Variants in RIMBP2 observed in about 807,000 individuals in gnomAD.
RIMBP2 encodes the protein RIMS binding protein 2, also known as RIMS-binding protein 2.
Under a neutral mutation model 118.6 loss-of-function variants are expected in RIMBP2, and 48 were observed. That is an observed-to-expected ratio of 0.40 (90% CI 0.32 to 0.51). The LOEUF (loss-of-function observed/expected upper bound fraction) is 0.51, where lower values mean the gene tolerates loss of function less well. RIMBP2 is among the 20% of genes least tolerant of loss of function. The probability of loss-of-function intolerance (pLI) is 0.41; values close to 1 mark genes in which losing one functional copy is unlikely to be tolerated. For missense variants in RIMBP2, 1,551 were observed against 1,768.3 expected (o/e 0.88, Z 2.20); for synonymous variants, 762 against 742.9 (o/e 1.03, Z -0.42).
chr12:130,610,614 G>A (rs1051875087), intron 2 of RIMBP2, among the ~76,000 whole-genome samples: 8 of 133,558 alleles, frequency 6.0e-5, no homozygotes, highest in African/African-American at 2.3e-4. Flanking sequence ...AGGCTGGAGT[G>A]CAGTGGCGCG....
chr12:130,574,975 C>T (rs2057976658), intron 2 of RIMBP2, among the ~76,000 whole-genome samples: 1 of 131,200 alleles, frequency 7.6e-6, no homozygotes, highest in Middle Eastern at 3.8e-3. Context: ...CACCGCCACC[C>T]CCACCCCCAG....
At chr12:130,673,072 C>T (rs7955909) in intron 1 of RIMBP2, among the ~76,000 whole-genome samples, 149,245 of 152,248 alleles carry the variant, frequency 0.98, 73,210 homozygotes, top group East Asian at 1. Flanking sequence ...AAAGGAAGAA[C>T]TCCCACTCGA....
intron 4 of RIMBP2, among the ~76,000 whole-genome samples, chr12:130,500,077 T>C (rs2049593407): frequency 6.6e-6 from 1 of 152,204 alleles, no homozygotes; most frequent in Non-Finnish European, 1.5e-5. Context: ...CATTTCCCTT[T>C]AAAATCTGTA....
Position 130,525,256 on chromosome 12 carries a change from C to CGGCA in RIMBP2, c.-216-7343_-216-7340dup, listed in dbSNP as rs2052650168. On this transcript the variant is annotated intron_variant, in intron 2 of 22. Coordinates refer to ENST00000690449, the MANE Select transcript of RIMBP2 (RefSeq NM_001393629.1). The surrounding 1 kb of genome is among the most constrained non-coding windows in gnomAD (Gnocchi z 4.4). ...TGACCAGAGCCTTGAGAGTGGGGAC[C>CGGCA]GGCAGGTCAGCTACTGCCCAGAAGC... Among the ~76,000 whole-genome samples, 1 of 152,172 alleles carries CGGCA rather than the reference C, an allele frequency of 6.6e-6. No individual in the cohort carries two copies. The highest frequency in any genetic ancestry group is 2.4e-5 in the African/African-American group (1 of 41,436).
At chr12:130,556,204 C>T (rs1004079674) in intron 2 of RIMBP2, among the ~76,000 whole-genome samples, 7 of 152,154 alleles carry the variant, frequency 4.6e-5, no homozygotes, top group South Asian at 2.1e-4. Flanking sequence ...ACCCTGGCAA[C>T]GTGCACTCTG....
chr12:130,407,188 A>T (rs943786556), intron 20 of RIMBP2, among the ~76,000 whole-genome samples: 17 of 152,322 alleles, frequency 1.1e-4, no homozygotes, highest in African/African-American at 3.8e-4. Flanking sequence ...ACTGTGTAAC[A>T]TGGGTTCACA....
chr12:130,532,560 C>T (rs1489274205), intron 2 of RIMBP2, among the ~76,000 whole-genome samples: 1 of 143,692 alleles, frequency 7.0e-6, no homozygotes, highest in African/African-American at 2.6e-5. Flanking sequence ...CTAGGAGTTA[C>T]GTCTAATGAG....
chr12:130,607,399 C>T (rs868190904), intron 2 of RIMBP2, among the ~76,000 whole-genome samples: 14 of 151,968 alleles, frequency 9.2e-5, no homozygotes, highest in African/African-American at 1.5e-4. Context: ...GTTTAATAGA[C>T]GGGTGCCTCC....
chr12:130,711,436 C>T (rs1949910949), intron 1 of RIMBP2, among the ~76,000 whole-genome samples: 1 of 152,104 alleles, frequency 6.6e-6, no homozygotes, highest in Non-Finnish European at 1.5e-5. Context: ...AGAGTTTGGC[C>T]AGCACATGTT....
intron 2 of RIMBP2, among the ~76,000 whole-genome samples, chr12:130,580,054 C>T (rs1023865780): frequency 5.0e-5 from 7 of 140,082 alleles, no homozygotes; most frequent in South Asian, 2.3e-4. Context: ...AAAAATTAGC[C>T]GGGCATGGTG....
chr12:130,409,158 C>T (rs1041358368), intron 19 of RIMBP2, among the ~76,000 whole-genome samples: 1 of 152,074 alleles, frequency 6.6e-6, no homozygotes, highest in Non-Finnish European at 1.5e-5. Flanking sequence ...TCCCAGCGTG[C>T]AGTACTTTAC....
intron 2 of RIMBP2, among the ~76,000 whole-genome samples, chr12:130,553,670 GA>G (rs2056056685): frequency 1.3e-5 from 2 of 152,160 alleles, no homozygotes; most frequent in South Asian, 4.2e-4. Context: ...CCTGAGCCTG[GA>G]AGTTCAAGGC....
rs754370396 is a variant in RIMBP2 at position 130,434,832 on chromosome 12, C to T, written c.2155G>A (p.Ala719Thr). The change falls in exon 14 of 23, where the codon GCC becomes ACC. Residue 719 changes from alanine (A) to threonine (T), a missense_variant. This residue lies in a region of RIMBP2 where 1,038 missense variants were observed against 1,125.1 expected (regional missense o/e 0.92). Transcript: ENST00000690449. The surrounding 1 kb of genome is among the most constrained non-coding windows in gnomAD (Gnocchi z 5.7). ...FLERSSAGQYAASDEEDAYDS... is the reference protein window; with the variant it reads ...FLERSSAGQYTASDEEDAYDS... ...TAGGCGTCCTCCTCGTCTGAGGCGG[C>T]GTACTGCCCCGCGCTGCTTCTCTCT... The T allele has an allele frequency of 2.3e-5, 37 of 1,613,576 alleles. No homozygotes were observed. The highest frequency in any genetic ancestry group is 1.6e-4 in the Middle Eastern group (1 of 6,070).
At chr12:130,485,811 G>A (rs78171751) in intron 4 of RIMBP2, among the ~76,000 whole-genome samples, 1 of 152,168 alleles carries the variant, frequency 6.6e-6, no homozygotes, top group Non-Finnish European at 1.5e-5. Context: ...TTGCTTCGGG[G>A]TGCCAGTGAG....
intron 1 of RIMBP2, among the ~76,000 whole-genome samples, chr12:130,631,040 T>G (rs1313675250): frequency 6.6e-6 from 1 of 151,524 alleles, no homozygotes; most frequent in Non-Finnish European, 1.5e-5. Context: ...AATTCCAAGG[T>G]GACAGCTGAG....
rs538596854 is a variant in RIMBP2 at position 130,582,491 on chromosome 12, A to G, written c.-217+45831T>C. Among the ~76,000 whole-genome samples the G allele has an allele frequency of 2.6e-5, 4 of 152,326 alleles. No homozygotes were observed. The East Asian group carries it at 7.7e-4, about 29-fold the overall frequency. On this transcript the variant is annotated intron_variant, in intron 2 of 22. Transcript: ENST00000690449. Reference sequence around the variant, plus strand: ...GCCCACCTGCAGTCAGGAAGCATGCATCCCCCAAGAGGGATGACGCATGGC... The same window carrying G: ...GCCCACCTGCAGTCAGGAAGCATGCGTCCCCCAAGAGGGATGACGCATGGC...
intron 1 of RIMBP2, among the ~76,000 whole-genome samples, chr12:130,673,826 G>C (rs2064309725): frequency 6.6e-6 from 1 of 152,050 alleles, no homozygotes; most frequent in Admixed American, 6.6e-5. Flanking sequence ...GTGTAGCACT[G>C]GGCCAGGCAC....
chr12:130,646,825 C>G (rs1240714742), intron 1 of RIMBP2, among the ~76,000 whole-genome samples: 2 of 152,238 alleles, frequency 1.3e-5, no homozygotes, highest in African/African-American at 4.8e-5. Context: ...GGGCTGAGAA[C>G]CCAGCAGTTC....
At chr12:130,669,951 C>G (rs576470177) in intron 1 of RIMBP2, among the ~76,000 whole-genome samples, 2 of 152,062 alleles carry the variant, frequency 1.3e-5, no homozygotes, top group African/African-American at 4.8e-5. Flanking sequence ...CTAAGAATGT[C>G]GCCTTATTTG....
Sources: allele counts gnomAD v4.1 joint callset (sites outside exome capture counted in the v4.1 genomes callset), GRCh38; gene constraint gnomAD v4.1.1; regional missense constraint gnomAD v4.1.1; non-coding constraint Gnocchi (gnomAD v3.1); transcripts MANE v1.5; gene names NCBI Gene and HGNC (gene_info 2026-07-23, HGNC 2026-07-21).